HMGA2: variants seen among roughly 807,000 people sequenced by gnomAD.
HMGA2 encodes high mobility group AT-hook 2.
In HMGA2, 8 loss-of-function variants were observed where a neutral mutation model predicts 19.1. That is an observed-to-expected ratio of 0.42 (90% CI 0.25 to 0.76). The LOEUF is 0.76. HMGA2 is among the 30% of genes least tolerant of loss of function. The pLI is 0.28. For synonymous variants in HMGA2, 60 were observed against 48.8 expected, an observed-to-expected ratio of 1.23 and a Z score of -0.96; for missense variants, 109 against 136.3, an observed-to-expected ratio of 0.80 and a Z score of 1.00.
chr12:65,828,107 G>C lies in HMGA2; in HGVS notation c.198+20G>C. 1 of 1,570,670 alleles carries C rather than the reference G, an allele frequency of 6.4e-7. No homozygotes were observed. The highest frequency in any genetic ancestry group is 8.8e-7 in the Non-Finnish European group (1 of 1,140,450). The stretch of plus-strand genomic sequence containing the variant: ...CAAAAGGTGAGATTTCTCAAGTCAA[G>C]CTCTCCTAACTTCATCAATGACTGA... On this transcript the variant is annotated intron_variant, in intron 2 of 4. Coordinates refer to ENST00000403681, the MANE Select transcript of HMGA2 (RefSeq NM_003483.6).
chr12:65,933,109 G>T (rs889084961), intron 3 of HMGA2, among the ~76,000 whole-genome samples: 1 of 151,944 alleles, frequency 6.6e-6, no homozygotes, highest in African/African-American at 2.4e-5. Context: ...GGGATGAACT[G>T]CATTCTTACG....
intron 3 of HMGA2, among the ~76,000 whole-genome samples, chr12:65,949,427 T>G (rs1281643251): frequency 1.3e-5 from 2 of 152,140 alleles, no homozygotes; most frequent in Non-Finnish European, 2.9e-5. Context: ...TAAGTGCTGT[T>G]ATTTGGGAGA....
chr12:65,828,391 A>G (rs1026450752), intron 2 of HMGA2: 1 of 346,532 alleles, frequency 2.9e-6, no homozygotes, highest in Non-Finnish European at 5.5e-6. Flanking sequence ...CGGGATGAAA[A>G]TGACACAATT....
intron 3 of HMGA2, among the ~76,000 whole-genome samples, chr12:65,933,194 T>C (rs927890498): frequency 6.6e-6 from 1 of 152,140 alleles, no homozygotes; most frequent in Non-Finnish European, 1.5e-5. Context: ...TAGACTAGCA[T>C]AGGTTTGAAA....
At chr12:65,880,900 A>T (rs1359965274) in intron 3 of HMGA2, among the ~76,000 whole-genome samples, 1 of 152,232 alleles carries the variant, frequency 6.6e-6, no homozygotes, top group Non-Finnish European at 1.5e-5. Context: ...ATGGGTTGAA[A>T]GATATGAAAA....
intron 3 of HMGA2, among the ~76,000 whole-genome samples, chr12:65,894,275 A>G (rs574613402): frequency 4.6e-5 from 7 of 152,124 alleles, no homozygotes; most frequent in Admixed American, 2.6e-4. Flanking sequence ...TTGTGTGTGT[A>G]TGTGTGTGGT....
At chr12:65,940,762 G>C (rs1363763316) in intron 3 of HMGA2, among the ~76,000 whole-genome samples, 1 of 152,186 alleles carries the variant, frequency 6.6e-6, no homozygotes, top group Non-Finnish European at 1.5e-5. Flanking sequence ...GCCTTGCAAT[G>C]TTTTGCAAGT....
At chr12:65,826,655 C>T (rs1870211057) in intron 1 of HMGA2, 1 of 151,978 alleles carries the variant, frequency 6.6e-6, no homozygotes, top group South Asian at 2.1e-4. Context: ...TGAGTTTTCC[C>T]GCTCTGCCCA....
chr12:65,864,153 A>G (rs1192261068), intron 3 of HMGA2, among the ~76,000 whole-genome samples: 1 of 152,150 alleles, frequency 6.6e-6, no homozygotes, highest in Non-Finnish European at 1.5e-5. Flanking sequence ...TGAGGTATCC[A>G]TAGTAACTAA....
intron 3 of HMGA2, among the ~76,000 whole-genome samples, chr12:65,877,484 C>T (rs896763571): frequency 3.9e-5 from 6 of 152,068 alleles, no homozygotes; most frequent in African/African-American, 1.2e-4. Flanking sequence ...GTAAAATGAC[C>T]CCGGTCACTG....
chr12:65,881,052 T>C (rs192364213), intron 3 of HMGA2, among the ~76,000 whole-genome samples: 100 of 152,362 alleles, frequency 6.6e-4, no homozygotes, highest in African/African-American at 2.2e-3. Flanking sequence ...GGGTGGCATG[T>C]AAGTTGTAGA....
At chr12:65,892,687 C>G (rs1873961207) in intron 3 of HMGA2, among the ~76,000 whole-genome samples, 1 of 152,008 alleles carries the variant, frequency 6.6e-6, no homozygotes, top group South Asian at 2.1e-4. Context: ...GGAATGGGGT[C>G]GTCAGGAAAA....
At chr12:65,948,941 A>G (rs528235827) in intron 3 of HMGA2, among the ~76,000 whole-genome samples, 77 of 152,264 alleles carry the variant, frequency 5.1e-4, no homozygotes, top group African/African-American at 1.8e-3. Flanking sequence ...AGCAGTAGGA[A>G]CCAGTCAGCC....
At chr12:65,826,778 T>G (rs1015085276) in intron 1 of HMGA2, 1 of 67,662 alleles carries the variant, frequency 1.5e-5, no homozygotes, top group Non-Finnish European at 2.9e-5. Flanking sequence ...TTGCCCCCCC[T>G]CCAAAAAAAA....
chr12:65,951,279 C>G, intron 3 of HMGA2, 104 bp from the exon 4 acceptor site: 2 of 732,010 alleles, frequency 2.7e-6, no homozygotes, highest in South Asian at 3.7e-5. Context: ...TTATACTTTC[C>G]TCTTTCCTTT....
At chr12:65,960,191 A>G (rs1876713447) in intron 4 of HMGA2, among the ~76,000 whole-genome samples, 2 of 152,116 alleles carry the variant, frequency 1.3e-5, no homozygotes. Flanking sequence ...ACCTGGCCCC[A>G]TCCATGTCTT....
chr12:65,850,789 T>C (rs1871427233), intron 3 of HMGA2, among the ~76,000 whole-genome samples: 1 of 152,208 alleles, frequency 6.6e-6, no homozygotes, highest in Non-Finnish European at 1.5e-5. Flanking sequence ...CTTGCAGTCT[T>C]GAAGTTATCT....
intron 3 of HMGA2, among the ~76,000 whole-genome samples, chr12:65,905,907 T>C (rs1006399928): frequency 5.3e-5 from 8 of 152,178 alleles, no homozygotes; most frequent in Non-Finnish European, 1.2e-4. Flanking sequence ...ATTTAGAAAA[T>C]ATGTATTATA....
intron 1 of HMGA2, among the ~76,000 whole-genome samples, chr12:65,827,391 C>T (rs1870259385): frequency 6.6e-6 from 1 of 152,148 alleles, no homozygotes; most frequent in African/African-American, 2.4e-5. Context: ...AGCAAAACCT[C>T]CCACCATAGA....
Sources: gnomAD v4.1 joint callset for allele counts (sites outside exome capture counted in the v4.1 genomes callset) on GRCh38, gnomAD v4.1.1 for gene constraint, MANE v1.5 for transcripts, NCBI Gene and HGNC (gene_info 2026-07-23, HGNC 2026-07-21) for gene names.